The following SEMA5A variants were observed in gnomAD, a reference collection of about 807,000 sequenced individuals.
The protein encoded by SEMA5A is semaphorin-5A.
Under a neutral mutation model 135.5 loss-of-function variants are expected in SEMA5A, and 55 were observed. The observed-to-expected ratio is 0.41, with a 90% CI of 0.33 to 0.51. The LOEUF (loss-of-function observed/expected upper bound fraction) is 0.51, where lower values mean the gene tolerates loss of function less well. Among genes scored for constraint, SEMA5A ranks in the 20% least tolerant of loss-of-function variants. SEMA5A has a pLI of 0.37. For synonymous variants in SEMA5A, 580 were observed against 546.5 expected (o/e 1.06, Z -0.85); for missense variants, 1,290 against 1,419.9 (o/e 0.91, Z 1.47).
chr5:9,055,839 T>TA (rs1457368752), intron 18 of SEMA5A, among the ~76,000 whole-genome samples: 4 of 145,674 alleles, frequency 2.7e-5, no homozygotes, highest in African/African-American at 1.0e-4. Context: ...ATATCAGCAA[T>TA]AAAAAAGCCA....
chr5:9,103,134 A>C (rs773293117), intron 16 of SEMA5A, among the ~76,000 whole-genome samples: 1 of 152,152 alleles, frequency 6.6e-6, no homozygotes, highest in Non-Finnish European at 1.5e-5. Flanking sequence ...TCTGAGTGGA[A>C]AGACCTGGAC....
At chr5:9,055,924 A>C (rs1736865913) in intron 18 of SEMA5A, among the ~76,000 whole-genome samples, 1 of 152,110 alleles carries the variant, frequency 6.6e-6, no homozygotes. Context: ...TCACTGAAGG[A>C]AGCACTTGCT....
intron 17 of SEMA5A, among the ~76,000 whole-genome samples, 159 bp downstream of exon 17, chr5:9,066,262 T>C (rs1737459200): frequency 6.6e-6 from 1 of 152,206 alleles, no homozygotes; most frequent in Admixed American, 6.5e-5. Context: ...TTTCAATTTG[T>C]CCTACAGTCA....
chr5:9,425,834 T>C (rs1414367629), intron 2 of SEMA5A, among the ~76,000 whole-genome samples: 1 of 152,156 alleles, frequency 6.6e-6, no homozygotes, highest in East Asian at 1.9e-4. Flanking sequence ...TGGGGACCTT[T>C]AGAAAATAAA....
rs539464936 is a variant in SEMA5A at position 9,522,955 on chromosome 5, A to T, written c.-175+22629T>A. On this transcript the variant is annotated intron_variant, in intron 1 of 22. Coordinates refer to ENST00000382496, the MANE Select transcript of SEMA5A (RefSeq NM_003966.3). Reference sequence around the variant, plus strand: ...GCCATTTTTACTTCTCTAAATGATGACGCACATACATATTTTGAGTTTCTG... The same window carrying T: ...GCCATTTTTACTTCTCTAAATGATGTCGCACATACATATTTTGAGTTTCTG... 3 of 152,308 alleles carry T rather than the reference A, an allele frequency of 2.0e-5. No homozygotes were observed. The East Asian group carries it at 5.8e-4, about 29-fold the overall frequency. 9.4% of individuals were successfully genotyped at this position (152,308 alleles called of 1,614,324 possible).
At chr5:9,498,910 G>T (rs1735438409) in intron 1 of SEMA5A, 2 of 152,150 alleles carry the variant, frequency 1.3e-5, no homozygotes, top group South Asian at 2.1e-4. Context: ...CTGTGTATAT[G>T]ATTAACAATT....
chr5:9,169,078 C>T (rs745497495), intron 11 of SEMA5A, among the ~76,000 whole-genome samples: 57 of 152,004 alleles, frequency 3.7e-4, no homozygotes, highest in Non-Finnish European at 7.1e-4. Flanking sequence ...ATGTACAGCA[C>T]GGAGACTATA....
At chr5:9,399,618 TTA>T (rs1404359276) in intron 2 of SEMA5A, among the ~76,000 whole-genome samples, 1 of 152,194 alleles carries the variant, frequency 6.6e-6, no homozygotes, top group Non-Finnish European at 1.5e-5. Context: ...GATATGTGAT[TTA>T]TATCTTATGT....
chr5:9,201,832 T>G (rs879101845), intron 9 of SEMA5A, 123 bp downstream of exon 9: 1 of 927,262 alleles, frequency 1.1e-6, no homozygotes, highest in South Asian at 1.8e-5. Flanking sequence ...TTTTTGTCTG[T>G]TAGCCCAGTA....
Position 9,136,548 on chromosome 5 carries a change from T to C in SEMA5A, c.1555A>G (p.Ser519Gly), listed in dbSNP as rs1042289022. 2 of 1,613,948 alleles carry C rather than the reference T, an allele frequency of 1.2e-6. No homozygotes were observed. Among genetic ancestry groups the C allele is most frequent in the Middle Eastern group, 1.6e-4 (1 of 6,084 alleles). Reference sequence around the variant, plus strand: ...TGTTCCCACTGCGTCATGCTCAGGCTCTCCTCCAGGCTTGTGCATTTCTTC... The same window carrying C: ...TGTTCCCACTGCGTCATGCTCAGGCCCTCCTCCAGGCTTGTGCATTTCTTC... ...VMKKCTSLEE[S>G]LSMTQWEQSI... Residue 519 changes from serine to glycine, a missense_variant, in exon 13 of 23, where the codon AGC becomes GGC. Physicochemically the swap from Ser to Gly is moderately conservative, Grantham distance 56 (BLOSUM62 0). Transcript: ENST00000382496.
At chr5:9,368,578 A>G (rs947768821) in intron 3 of SEMA5A, among the ~76,000 whole-genome samples, 1 of 152,226 alleles carries the variant, frequency 6.6e-6, no homozygotes, top group African/African-American at 2.4e-5. Context: ...CCCTATATCC[A>G]GGCAGCCATT....
intron 5 of SEMA5A, among the ~76,000 whole-genome samples, chr5:9,265,243 C>T (rs1053342999): frequency 3.3e-5 from 5 of 152,128 alleles, no homozygotes; most frequent in Admixed American, 6.5e-5. Context: ...GGGTCTCCAA[C>T]GGCCTAATTA....
chr5:9,295,668 T>C (rs1028948961), intron 5 of SEMA5A, among the ~76,000 whole-genome samples: 17 of 152,164 alleles, frequency 1.1e-4, no homozygotes, highest in Non-Finnish European at 2.5e-4. Context: ...AGATACTTGA[T>C]GCTGACCTGA....
At chr5:9,089,372 G>A (rs529384282) in intron 16 of SEMA5A, among the ~76,000 whole-genome samples, 2 of 152,248 alleles carry the variant, frequency 1.3e-5, no homozygotes, top group South Asian at 2.1e-4. Flanking sequence ...ATAAAAAGAG[G>A]TAAAGATCAA....
intron 3 of SEMA5A, among the ~76,000 whole-genome samples, chr5:9,353,160 A>AGGAAG (rs1754242157): frequency 2.6e-5 from 1 of 37,938 alleles, no homozygotes; most frequent in Non-Finnish European, 5.2e-5. Context: ...AGGAAAGGAA[A>AGGAAG]GGAGGGAAAG....
At chr5:9,191,847 G>A (rs71611365) in intron 10 of SEMA5A, among the ~76,000 whole-genome samples, 22,835 of 147,110 alleles carry the variant, frequency 0.16, 1,666 homozygotes, top group South Asian at 0.21. Context: ...CCAAGTGTGA[G>A]TTTAGGTGAA....
chr5:9,295,164 T>C (rs1156965801), intron 5 of SEMA5A, among the ~76,000 whole-genome samples: 1 of 152,144 alleles, frequency 6.6e-6, no homozygotes, highest in Non-Finnish European at 1.5e-5. Flanking sequence ...ATGTTCAAAG[T>C]AGGGATTCCC....
rs766453632 is a variant in SEMA5A, at chr5:9,081,888, G to A, written c.2074-15242C>T. 3.1e-4 allele frequency among the ~76,000 whole-genome samples: 47 copies of A among 152,168 alleles called. 1 individual carries two copies. The highest frequency in any genetic ancestry group is 6.2e-4 in the Non-Finnish European group (42 of 68,036). On this transcript the variant is annotated intron_variant, in intron 16 of 22. Transcript: ENST00000382496. ...GAGAATTCACAGAACTTAAAGCGGT[G>A]TTCTATTCCTTCCAGGGAAGAGTTT...
chr5:9,453,587 A>G (rs1220902807), intron 1 of SEMA5A, among the ~76,000 whole-genome samples: 2 of 152,212 alleles, frequency 1.3e-5, no homozygotes, highest in Non-Finnish European at 2.9e-5. Flanking sequence ...TTCAATGTTA[A>G]TGAACCAATT....
Sources: gnomAD v4.1 joint callset for allele counts (sites outside exome capture counted in the v4.1 genomes callset) on GRCh38, gnomAD v4.1.1 for gene constraint, MANE v1.5 for transcripts, NCBI Gene and HGNC (gene_info 2026-07-23, HGNC 2026-07-21) for gene names.